DGKH: variants seen among roughly 807,000 people sequenced by gnomAD.
DGKH encodes the protein DAG kinase eta.
A neutral mutation model predicts 159.3 loss-of-function variants in DGKH; 90 were observed. The observed-to-expected ratio is 0.57, with a 90% CI of 0.48 to 0.67. The LOEUF (loss-of-function observed/expected upper bound fraction) is 0.67, where lower values mean the gene tolerates loss of function less well. Among genes scored for constraint, DGKH ranks in the 30% least tolerant of loss-of-function variants. The pLI is 0.00. For missense variants in DGKH, 1,181 were observed against 1,506.1 expected (o/e 0.78, Z 3.57); for synonymous variants, 536 against 553.8 (o/e 0.97, Z 0.45).
At chr13:42,196,354 A>G (rs1162073825) in intron 17 of DGKH, among the ~76,000 whole-genome samples, 7 of 152,246 alleles carry the variant, frequency 4.6e-5, no homozygotes, top group Non-Finnish European at 1.0e-4. Context: ...GTTCATGACT[A>G]TTTATAGCAG....
chr13:42,197,973 C>T (rs1193842508), intron 17 of DGKH, among the ~76,000 whole-genome samples: 1 of 152,080 alleles, frequency 6.6e-6, no homozygotes, highest in East Asian at 1.9e-4. Context: ...TTCACAGATA[C>T]CTACATTTAA....
At chr13:42,214,475 T>G (rs778758954) in intron 24 of DGKH, 32 bp from the exon 25 acceptor site, 1 of 1,593,806 alleles carries the variant, frequency 6.3e-7, no homozygotes. Flanking sequence ...TCAAAAAAGT[T>G]TTTTATTCAT....
intron 11 of DGKH, among the ~76,000 whole-genome samples, chr13:42,172,408 G>A (rs1449380364): frequency 6.6e-6 from 1 of 152,154 alleles, no homozygotes; most frequent in Non-Finnish European, 1.5e-5. Context: ...TATTTTCATG[G>A]GAAGAGTTGA....
At chr13:42,132,513 A>T (rs541819789) in intron 3 of DGKH, among the ~76,000 whole-genome samples, 8 of 152,362 alleles carry the variant, frequency 5.3e-5, no homozygotes, top group Non-Finnish European at 1.0e-4. Context: ...TCAAATCCTT[A>T]TACAGGTCTT....
chr13:42,247,348 T>C (rs1594271957), downstream of DGKH, among the ~76,000 whole-genome samples: 1 of 151,640 alleles, frequency 6.6e-6, no homozygotes, highest in African/African-American at 2.4e-5. Context: ...CTCCTGCCTC[T>C]GCCTCCCAAG....
chr13:42,088,639 A>C (rs1001160916), intron 1 of DGKH, among the ~76,000 whole-genome samples: 1 of 152,160 alleles, frequency 6.6e-6, no homozygotes, highest in Non-Finnish European at 1.5e-5. Flanking sequence ...AAAGAGCATG[A>C]GTAATAAGCC....
chr13:42,162,763 C>T (rs1057207342), intron 7 of DGKH, among the ~76,000 whole-genome samples: 2 of 151,866 alleles, frequency 1.3e-5, no homozygotes, highest in South Asian at 4.2e-4. Context: ...GAGATTGCGC[C>T]ATTGCACTCC....
chr13:42,161,419 T>TG (rs1178051520), intron 7 of DGKH, among the ~76,000 whole-genome samples: 2 of 151,956 alleles, frequency 1.3e-5, no homozygotes, highest in Admixed American at 6.6e-5. Flanking sequence ...GAGGCCAAGG[T>TG]GGGCGGATCA....
chr13:42,102,181 T>A (rs1333983489), intron 1 of DGKH, among the ~76,000 whole-genome samples: 5 of 152,244 alleles, frequency 3.3e-5, no homozygotes, highest in Non-Finnish European at 5.9e-5. Context: ...TCTGTTGACT[T>A]GCTCTGTGTC....
At chr13:42,101,895 T>G (rs1954658797) in intron 1 of DGKH, among the ~76,000 whole-genome samples, 1 of 151,964 alleles carries the variant, frequency 6.6e-6, no homozygotes, top group Non-Finnish European at 1.5e-5. Context: ...TAGGAAGAGG[T>G]AGGCATATTG....
At chr13:42,171,016 T>C (rs1956442231) in intron 11 of DGKH, among the ~76,000 whole-genome samples, 1 of 151,898 alleles carries the variant, frequency 6.6e-6, no homozygotes, top group South Asian at 2.1e-4. Context: ...TTTTCAAATA[T>C]ATTTATTTGA....
intron 11 of DGKH, among the ~76,000 whole-genome samples, chr13:42,170,849 A>G (rs1956436176): frequency 6.6e-6 from 1 of 151,770 alleles, no homozygotes. Context: ...AGGCTGAGGC[A>G]GGAGAATCGC....
At chr13:42,168,277 C>A (rs1023247270) in intron 9 of DGKH, among the ~76,000 whole-genome samples, 163 bp from the exon 10 acceptor site, 1 of 151,910 alleles carries the variant, frequency 6.6e-6, no homozygotes, top group African/African-American at 2.4e-5. Flanking sequence ...CAGAAGTTTT[C>A]TTGAGTTAAA....
In DGKH at chr13:42,168,766, C is replaced by T. The variant is rs143969089; in HGVS notation, c.1315C>T (p.Leu439Phe). 1.3e-5 allele frequency: 21 copies of T among 1,614,096 alleles called. No individual in the cohort carries two copies. The highest frequency in any genetic ancestry group is 1.7e-5 in the Non-Finnish European group (20 of 1,179,996). ...WGGSYDDDTQLPQILEKLERA... is the reference protein window; with the variant it reads ...WGGSYDDDTQFPQILEKLERA... ...AGGTTCATATGACGATGACACCCAA[C>T]TTCCTCAGATCCTAGAGAAACTGGA... Residue 439 changes from leucine to phenylalanine, a missense_variant, in exon 11 of 30, where the codon CTT (leucine) becomes TTT (phenylalanine). By Grantham distance (22) the Leu-to-Phe change is conservative. Around this residue, in one of 5 missense-constraint regions of DGKH, gnomAD observed 369 missense variants for 519.4 expected, o/e 0.71. Transcript: ENST00000337343.
At chr13:42,155,540 C>A in intron 4 of DGKH, 127 bp from the exon 5 acceptor site, 1 of 1,546,366 alleles carries the variant, frequency 6.5e-7, no homozygotes, top group South Asian at 1.2e-5. Context: ...TATCTTAAAG[C>A]AAAGTGCTTT....
At chr13:42,060,505 C>G (rs1882076720) in intron 1 of DGKH, among the ~76,000 whole-genome samples, 1 of 152,166 alleles carries the variant, frequency 6.6e-6, no homozygotes, top group Admixed American at 6.5e-5. Flanking sequence ...TCTACTCATT[C>G]CCGGCCAAAT....
chr13:42,052,170 A>C (rs75347176), intron 1 of DGKH, among the ~76,000 whole-genome samples: 1,791 of 152,342 alleles, frequency 0.012, 27 homozygotes, highest in African/African-American at 0.037. Flanking sequence ...GTTTTTAAGT[A>C]AAGAATGGAA....
intron 28 of DGKH, 66 bp downstream of exon 28, chr13:42,219,860 T>A: frequency 1.4e-6 from 2 of 1,438,236 alleles, no homozygotes; most frequent in South Asian, 1.2e-5. Context: ...AGTGACATCA[T>A]GGAGGTCGTG....
rs1882832159 is a variant in DGKH at position 42,069,759 on chromosome 13, A to G, written c.192+20794A>G. 222 of 1,117,178 alleles carry G rather than the reference A, an allele frequency of 2.0e-4. 1 individual carries two copies. In the South Asian group the frequency reaches 3.2e-3, roughly 16 times the overall value. The allele number at this position is 1,117,178 out of a possible 1,614,324, so 69.2% of individuals were successfully genotyped here. ...AATATGATCATGACCTCGTTTTGTA[A>G]TTACAAGTATGGCTACACTCCAGAT... is the stretch of plus-strand genomic sequence containing the variant. On this transcript the variant is annotated intron_variant, in intron 1 of 29. Transcript: ENST00000337343.
Sources: gnomAD v4.1 joint callset for allele counts (sites outside exome capture counted in the v4.1 genomes callset) on GRCh38, gnomAD v4.1.1 for gene constraint, gnomAD v4.1.1 regional missense constraint, MANE v1.5 for transcripts, NCBI Gene and HGNC (gene_info 2026-07-23, HGNC 2026-07-21) for gene names.